The following PGBD2 variants were observed in gnomAD, a reference collection of about 807,000 sequenced individuals.
The protein encoded by PGBD2 is piggyBac transposable element-derived protein 2.
Under a neutral mutation model 8.1 loss-of-function variants are expected in PGBD2, and 6 were observed. The ratio of observed to expected loss-of-function variants is 0.74; its 90% CI spans 0.40 to 1.46. The LOEUF is 1.46. PGBD2 is among the 40% of genes most tolerant of loss of function. The pLI is 0.02. For missense variants in PGBD2, 802 were observed against 739.0 expected, an observed-to-expected ratio of 1.09 and a Z score of -0.99; for synonymous variants, 318 against 272.2, an observed-to-expected ratio of 1.17 and a Z score of -1.66.
At position 248,917,782 on chromosome 1, in the gene PGBD2, T is replaced by C; in HGVS notation, c.1198T>C (p.Tyr400His). The C allele has an allele frequency of 1.2e-6, 2 of 1,614,134 alleles. No individual in the cohort carries two copies. The highest frequency in any genetic ancestry group is 2.2e-5 in the South Asian group (2 of 91,078). ...LKKMKRGSFDYKVDESEEIIV... is the reference protein window; with the variant it reads ...LKKMKRGSFDHKVDESEEIIV... Reference sequence around the variant, plus strand: ...AAAAATGAAGAGGGGTTCATTTGATTACAAAGTCGATGAGAGTGAGGAGAT... The same window carrying C: ...AAAAATGAAGAGGGGTTCATTTGATCACAAAGTCGATGAGAGTGAGGAGAT... The change falls in exon 3 of 3, where the codon TAC (tyrosine) becomes CAC (histidine). Residue 400 changes from tyrosine to histidine, a missense_variant. Physicochemically the swap from Tyr to His is moderately conservative, Grantham distance 83 (BLOSUM62 2). Coordinates refer to ENST00000329291, the MANE Select transcript of PGBD2 (RefSeq NM_170725.3).
chr1:248,911,693 G>A (rs867210129), intron 1 of PGBD2, among the ~76,000 whole-genome samples: 5,406 of 136,996 alleles, frequency 0.039, 41 homozygotes, highest in African/African-American at 0.12. Flanking sequence ...CAGTAGGGGC[G>A]GCTGGGCAGA....
chr1:248,916,346 G>A (rs545732210), intron 2 of PGBD2, among the ~76,000 whole-genome samples: 75 of 152,182 alleles, frequency 4.9e-4, no homozygotes, highest in East Asian at 1.9e-3. Flanking sequence ...CCCAGGAGGC[G>A]GAGGTTGCAA....
the PGBD2 span, among the ~76,000 whole-genome samples, chr1:248,885,875 A>G: frequency 6.6e-6 from 1 of 152,240 alleles, no homozygotes; most frequent in African/African-American, 2.4e-5. Context: ...TAGTTGCTAA[A>G]TAAACACATG....
chr1:248,887,289 A>G, the PGBD2 span, among the ~76,000 whole-genome samples: 1 of 152,252 alleles, frequency 6.6e-6, no homozygotes, highest in South Asian at 2.1e-4. Flanking sequence ...CCCAAATTGC[A>G]TTTGATTGAC....
At chr1:248,882,251 A>G in the PGBD2 span, among the ~76,000 whole-genome samples, 1 of 152,170 alleles carries the variant, frequency 6.6e-6, no homozygotes, top group African/African-American at 2.4e-5. Context: ...GGGCAGGGGT[A>G]GGTTAGTGAG....
At chr1:248,894,249 T>C in the PGBD2 span, among the ~76,000 whole-genome samples, 3 of 152,218 alleles carry the variant, frequency 2.0e-5, no homozygotes, top group African/African-American at 7.2e-5. Context: ...CTTTTTAGTT[T>C]GATATAGTCC....
At position 248,916,965 on chromosome 1, in the gene PGBD2, A is replaced by T. The variant is rs1179399195; in HGVS notation, c.381A>T (p.Ser127=). Residue 127 remains serine, a synonymous_variant, in exon 3 of 3, where the codon TCA becomes TCT. Coordinates refer to ENST00000329291, the MANE Select transcript of PGBD2 (RefSeq NM_170725.3). ...CAGACTTTGGCAGTTGGACTGCATC[A>T]GATCCTCATATTGAGGATCTGAAAA... ...IRPDFGSWTA[S]DPHIEDLKSQ... The T allele has an allele frequency of 3.7e-6, 6 of 1,613,192 alleles. No homozygotes were observed. The African/African-American group carries it at 8.0e-5, about 22-fold the overall frequency.
chr1:248,888,109 G>A, the PGBD2 span, among the ~76,000 whole-genome samples: 2 of 152,164 alleles, frequency 1.3e-5, no homozygotes, highest in Non-Finnish European at 2.9e-5. Flanking sequence ...TTTTATGGTA[G>A]TGTAGTACTC....
At chr1:248,914,184 C>T (rs556449858) in intron 2 of PGBD2, among the ~76,000 whole-genome samples, 18 of 152,186 alleles carry the variant, frequency 1.2e-4, no homozygotes, top group African/African-American at 3.4e-4. Context: ...CCTCAGTCCC[C>T]GCAGGGTTTC....
downstream of PGBD2, chr1:248,919,265 T>C (rs117415595): frequency 5.1e-4 from 85 of 167,132 alleles, no homozygotes; most frequent in East Asian, 0.013. Context: ...CTGGTAACCT[T>C]CTTTCCACTC....
chr1:248,884,033 G>T, the PGBD2 span, among the ~76,000 whole-genome samples: 3 of 152,038 alleles, frequency 2.0e-5, no homozygotes, highest in Non-Finnish European at 4.4e-5. Flanking sequence ...GTATTTCCCA[G>T]GTTTTCTTCT....
At chr1:248,877,641 T>G in the PGBD2 span, among the ~76,000 whole-genome samples, 1 of 152,206 alleles carries the variant, frequency 6.6e-6, no homozygotes, top group Non-Finnish European at 1.5e-5. Context: ...GGAGAATGAT[T>G]GGATCAGATA....
At chr1:248,874,828 G>A in the PGBD2 span, among the ~76,000 whole-genome samples, 1 of 151,870 alleles carries the variant, frequency 6.6e-6, no homozygotes, top group Admixed American at 6.6e-5. Flanking sequence ...CTCTTTACCT[G>A]CAATCAACAC....
chr1:248,898,118 T>C, the PGBD2 span, among the ~76,000 whole-genome samples: 29,298 of 152,198 alleles, frequency 0.19, 8,041 homozygotes, highest in African/African-American at 0.61. Flanking sequence ...GGGGCAGCCA[T>C]GGTCTCTGCA....
the PGBD2 span, among the ~76,000 whole-genome samples, chr1:248,889,156 G>A: frequency 6.6e-6 from 1 of 152,180 alleles, no homozygotes; most frequent in Non-Finnish European, 1.5e-5. Context: ...AGAGGCCAAG[G>A]TGGGCAGATC....
chr1:248,904,118 T>C (rs1170045141), upstream of PGBD2, among the ~76,000 whole-genome samples: 4 of 152,036 alleles, frequency 2.6e-5, no homozygotes, highest in African/African-American at 9.7e-5. Flanking sequence ...ATAGTATCTA[T>C]AAACAAACTA....
chr1:248,920,398 T>G (rs982246176), downstream of PGBD2, among the ~76,000 whole-genome samples: 4 of 152,082 alleles, frequency 2.6e-5, no homozygotes, highest in Admixed American at 6.5e-5. Context: ...CTTGCGATGT[T>G]TGGTTTTCTG....
the PGBD2 span, among the ~76,000 whole-genome samples, chr1:248,928,343 T>C: frequency 2.0e-5 from 3 of 152,134 alleles, no homozygotes; most frequent in Non-Finnish European, 4.4e-5. Flanking sequence ...AATTCTGAAA[T>C]CCTTTTATGA....
the PGBD2 span, among the ~76,000 whole-genome samples, chr1:248,884,183 T>A: frequency 1.3e-5 from 2 of 152,268 alleles, no homozygotes; most frequent in African/African-American, 4.8e-5. Context: ...GACACAAAAT[T>A]TGAGTTAAGC....
Sources: gnomAD v4.1 joint callset for allele counts (sites outside exome capture counted in the v4.1 genomes callset) on GRCh38, gnomAD v4.1.1 for gene constraint, MANE v1.5 for transcripts, NCBI Gene and HGNC (gene_info 2026-07-23, HGNC 2026-07-21) for gene names.